Variants in USH2A observed in about 807,000 individuals in gnomAD.
USH2A encodes the protein Usher syndrome 2A (autosomal recessive, mild).
USH2A carries 443 observed loss-of-function variants against 538.9 expected under a neutral mutation model. The ratio of observed to expected loss-of-function variants is 0.82; its 90% CI spans 0.76 to 0.89. The LOEUF is 0.89. Ranked by LOEUF, USH2A falls within the 40% of genes least tolerant of loss-of-function variation. The probability of loss-of-function intolerance (pLI) is 0.00; values close to 1 mark genes in which losing one functional copy is unlikely to be tolerated. For synonymous variants in USH2A, 2,413 were observed against 2,273.5 expected (o/e 1.06, Z -1.75); for missense variants, 6,633 against 6,324.8 (o/e 1.05, Z -1.65).
rs577536713 is a variant in USH2A, at chr1:216,422,551, A to C, written c.-204-11T>G. On this transcript the variant is annotated splice_polypyrimidine_tract_variant and intron_variant, in intron 1 of 71. Coordinates refer to ENST00000307340, the MANE Select transcript of USH2A (RefSeq NM_206933.4). ...AGTAGCTGCTGGTATCTGGGAATCAAAAACGTAGGGCGTCAAGGGAAAGCT... is the reference window on the plus strand; with the variant it reads ...AGTAGCTGCTGGTATCTGGGAATCACAAACGTAGGGCGTCAAGGGAAAGCT... The C allele has an allele frequency of 1.7e-6, 1 of 605,164 alleles. No homozygotes were observed. Among genetic ancestry groups the C allele is most frequent in the Non-Finnish European group, 2.8e-6 (1 of 358,760 alleles). The allele number at this position is 605,164 out of a possible 1,614,324, so 37.5% of individuals were successfully genotyped here. A position where few individuals can be genotyped will look rare whatever the true frequency, so the allele number is the denominator to read the frequency against.
intron 61 of USH2A, among the ~76,000 whole-genome samples, chr1:215,715,540 C>T (rs956150333): frequency 6.6e-6 from 1 of 152,154 alleles, no homozygotes; most frequent in Non-Finnish European, 1.5e-5. Flanking sequence ...GAATAAAGCA[C>T]TAGATGGACA....
At chr1:216,134,143 T>C (rs766804414) in intron 21 of USH2A, among the ~76,000 whole-genome samples, 24 of 152,028 alleles carry the variant, frequency 1.6e-4, no homozygotes, top group Non-Finnish European at 3.2e-4. Flanking sequence ...CTCTTCTAAT[T>C]CTCAAATTGC....
chr1:216,301,777 T>C (rs1233792220), intron 9 of USH2A, among the ~76,000 whole-genome samples: 8 of 152,180 alleles, frequency 5.3e-5, no homozygotes, highest in Non-Finnish European at 1.2e-4. Context: ...TTTTTAACTA[T>C]TCCCAGATGG....
At chr1:216,090,117 T>TA (rs1018814702) in intron 22 of USH2A, among the ~76,000 whole-genome samples, 3 of 152,064 alleles carry the variant, frequency 2.0e-5, no homozygotes, top group Non-Finnish European at 4.4e-5. Flanking sequence ...CTTTAAAAAT[T>TA]AAAAAAATTA....
intron 44 of USH2A, among the ~76,000 whole-genome samples, chr1:215,852,944 A>G (rs975684912): frequency 3.3e-5 from 5 of 152,178 alleles, no homozygotes; most frequent in Admixed American, 6.5e-5. Flanking sequence ...TTCCAGGTGC[A>G]CAGTGCAAGC....
intron 44 of USH2A, among the ~76,000 whole-genome samples, chr1:215,848,509 T>C (rs771854667): frequency 6.6e-5 from 10 of 152,330 alleles, no homozygotes; most frequent in Non-Finnish European, 1.5e-4. Context: ...TGTCAATGTC[T>C]GGATGAGACC....
intron 4 of USH2A, among the ~76,000 whole-genome samples, chr1:216,342,099 T>G (rs1275165076): frequency 6.6e-6 from 1 of 152,148 alleles, no homozygotes; most frequent in Non-Finnish European, 1.5e-5. Flanking sequence ...CCCATCCACC[T>G]GACAAAGGTC....
intron 64 of USH2A, among the ~76,000 whole-genome samples, chr1:215,667,653 G>A (rs946755966): frequency 5.9e-5 from 9 of 151,694 alleles, no homozygotes; most frequent in South Asian, 2.1e-4. Context: ...AGCCAAGATC[G>A]TGCCATTGCA....
At chr1:215,690,019 A>G (rs1658551553) in intron 61 of USH2A, among the ~76,000 whole-genome samples, 1 of 152,242 alleles carries the variant, frequency 6.6e-6, no homozygotes, top group South Asian at 2.1e-4. Flanking sequence ...ACATTTACAT[A>G]CAATTTGGAG....
intron 9 of USH2A, among the ~76,000 whole-genome samples, chr1:216,307,277 C>T (rs919256507): frequency 8.6e-5 from 13 of 151,812 alleles, no homozygotes; most frequent in African/African-American, 2.2e-4. Flanking sequence ...GTTCTCAGGG[C>T]GATGGAGTTA....
intron 15 of USH2A, among the ~76,000 whole-genome samples, chr1:216,212,726 GGTGT>G (rs371071186): frequency 6.6e-6 from 1 of 150,406 alleles, no homozygotes; most frequent in African/African-American, 2.4e-5. Context: ...TGTATGTAGG[GGTGT>G]GTGTGTGTGT....
intron 38 of USH2A, chr1:215,901,429 A>C (rs942762741): frequency 4.0e-5 from 8 of 199,036 alleles, no homozygotes; most frequent in Non-Finnish European, 8.3e-5. Context: ...ATGATAAATA[A>C]ACATGAATGG....
At chr1:215,704,454 G>A (rs1348692003) in intron 61 of USH2A, among the ~76,000 whole-genome samples, 1 of 152,180 alleles carries the variant, frequency 6.6e-6, no homozygotes, top group African/African-American at 2.4e-5. Context: ...AGATCCTAAT[G>A]CATTGACAGA....
At position 216,364,869 on chromosome 1, in the gene USH2A, A is replaced by G. The variant is rs1318612744; in HGVS notation, c.784+84T>C. 3.2e-6 allele frequency: 5 copies of G among 1,551,096 alleles called. No homozygotes were observed. The African/African-American group carries it at 6.8e-5, about 21-fold the overall frequency. The stretch of plus-strand genomic sequence containing the variant: ...CCCTAGAAGATGAATACACGTAGAT[A>G]TTTTAAAATATTATTTGTTTGATGC... On this transcript the variant is annotated intron_variant, in intron 4 of 71. Coordinates refer to ENST00000307340, the MANE Select transcript of USH2A (RefSeq NM_206933.4).
intron 26 of USH2A, among the ~76,000 whole-genome samples, chr1:216,079,469 C>T (rs894275939): frequency 4.6e-5 from 7 of 152,056 alleles, no homozygotes; most frequent in Non-Finnish European, 8.8e-5. Context: ...GGAGGGTCCC[C>T]CAAGGAGGGG....
At chr1:216,377,605 T>C (rs1398429047) in intron 3 of USH2A, among the ~76,000 whole-genome samples, 1 of 151,682 alleles carries the variant, frequency 6.6e-6, no homozygotes, top group Non-Finnish European at 1.5e-5. Context: ...TTTTATCATT[T>C]ATATTTATTC....
At chr1:216,181,771 T>C (rs956690985) in intron 20 of USH2A, among the ~76,000 whole-genome samples, 8 of 152,238 alleles carry the variant, frequency 5.3e-5, no homozygotes, top group African/African-American at 1.7e-4. Flanking sequence ...ATTAACTACT[T>C]AAATGCATCG....
In USH2A at chr1:215,698,170, T is replaced by A. The variant is rs373594724; in HGVS notation, c.12067-17794A>T. On this transcript the variant is annotated intron_variant, in intron 61 of 71. Transcript: ENST00000307340. ...GAGGACATGAACTCATTCTTTTTTATGGCTGCATAGTATTCCATGGTGTAT... is the reference window on the plus strand; with the variant it reads ...GAGGACATGAACTCATTCTTTTTTAAGGCTGCATAGTATTCCATGGTGTAT... 1.3e-4 allele frequency among the ~76,000 whole-genome samples: 20 copies of A among 152,362 alleles called. No homozygotes were observed. In the East Asian group the frequency reaches 1.5e-3, roughly 12 times the overall value.
intron 38 of USH2A, chr1:215,901,364 CCTTT>C (rs1318121473): frequency 5.4e-6 from 1 of 183,790 alleles, no homozygotes; most frequent in Non-Finnish European, 1.2e-5. Flanking sequence ...GCTTTCTTTT[CCTTT>C]CTTTTTTTTT....
Sources: gnomAD v4.1 joint callset for allele counts (sites outside exome capture counted in the v4.1 genomes callset) on GRCh38, gnomAD v4.1.1 for gene constraint, MANE v1.5 for transcripts, NCBI Gene and HGNC (gene_info 2026-07-23, HGNC 2026-07-21) for gene names.